TBC1D22A: variants seen among roughly 807,000 people sequenced by gnomAD.
The protein encoded by TBC1D22A is TBC1 domain family member 22A.
Under a neutral mutation model 60.2 loss-of-function variants are expected in TBC1D22A, and 38 were observed. That is an observed-to-expected ratio of 0.63 (90% CI 0.49 to 0.83). The LOEUF (loss-of-function observed/expected upper bound fraction) is 0.83. Among genes scored for constraint, TBC1D22A ranks in the 40% least tolerant of loss-of-function variants. The pLI is 0.00. For synonymous variants in TBC1D22A, 302 were observed against 281.7 expected (o/e 1.07, Z -0.72); for missense variants, 628 against 701.0 (o/e 0.90, Z 1.18).
At chr22:46,865,643 C>T (rs777655180) in intron 4 of TBC1D22A, among the ~76,000 whole-genome samples, 12 of 152,316 alleles carry the variant, frequency 7.9e-5, no homozygotes, top group Middle Eastern at 3.4e-3. Flanking sequence ...GTCTTGTCTG[C>T]GCACATCCAG....
chr22:47,121,655 G>A (rs1006897764), intron 12 of TBC1D22A, among the ~76,000 whole-genome samples: 7 of 151,956 alleles, frequency 4.6e-5, no homozygotes, highest in Non-Finnish European at 7.4e-5. Flanking sequence ...CACGGTGCTA[G>A]CCTGACTTAG....
At chr22:47,015,508 A>G (rs1174982376) in intron 10 of TBC1D22A, among the ~76,000 whole-genome samples, 3 of 152,192 alleles carry the variant, frequency 2.0e-5, no homozygotes, top group Non-Finnish European at 4.4e-5. Context: ...GTAATTTTCT[A>G]CTTGATCTTG....
At position 47,009,944 on chromosome 22, in the gene TBC1D22A, A is replaced by G. The variant is rs998412636; in HGVS notation, c.1201+12235A>G. ...GGAAGACACTGGCTGAGTCTGAGTCAGGGGCACCGAGGTGACAGTGGCCAT... is the reference window on the plus strand; with the variant it reads ...GGAAGACACTGGCTGAGTCTGAGTCGGGGGCACCGAGGTGACAGTGGCCAT... On this transcript the variant is annotated intron_variant, in intron 10 of 12. Coordinates refer to ENST00000337137, the MANE Select transcript of TBC1D22A (RefSeq NM_014346.5). This position sits in a 1 kb window ranked among gnomAD's most constrained non-coding sequence, Gnocchi z 5.8. 6.6e-6 allele frequency among the ~76,000 whole-genome samples: 1 copy of G among 152,210 alleles called. No homozygotes were observed. Among genetic ancestry groups the G allele is most frequent in the African/African-American group, 2.4e-5 (1 of 41,456 alleles).
At chr22:47,063,094 G>C (rs965703542) in intron 11 of TBC1D22A, among the ~76,000 whole-genome samples, 10 of 152,200 alleles carry the variant, frequency 6.6e-5, no homozygotes, top group African/African-American at 1.9e-4. Context: ...TGCAGGAGCA[G>C]CAGGACTCGG....
chr22:46,819,275 T>G (rs762462470), intron 4 of TBC1D22A, among the ~76,000 whole-genome samples: 2 of 152,186 alleles, frequency 1.3e-5, no homozygotes, highest in Non-Finnish European at 2.9e-5. Flanking sequence ...CTGTGTTGAA[T>G]AGGAGTGGTG....
At chr22:46,866,827 C>T (rs370409992) in intron 4 of TBC1D22A, among the ~76,000 whole-genome samples, 3 of 152,324 alleles carry the variant, frequency 2.0e-5, no homozygotes, top group Admixed American at 6.5e-5. Flanking sequence ...CATGCGGAAG[C>T]GTTAACTTGC....
intron 11 of TBC1D22A, among the ~76,000 whole-genome samples, chr22:47,069,712 G>GT (rs2063895186): frequency 8.8e-6 from 1 of 113,886 alleles, no homozygotes; most frequent in Non-Finnish European, 1.8e-5. Context: ...CTGACCTGAC[G>GT]GTCCTGGCTG....
chr22:47,044,050 T>G (rs2148420486), intron 11 of TBC1D22A, among the ~76,000 whole-genome samples: 1 of 90,316 alleles, frequency 1.1e-5, no homozygotes, highest in East Asian at 3.4e-4. Flanking sequence ...CCCAGGCAGC[T>G]GGGCACTGGG....
chr22:47,139,496 A>C (rs2147138317), intron 12 of TBC1D22A, among the ~76,000 whole-genome samples: 1 of 152,258 alleles, frequency 6.6e-6, no homozygotes, highest in East Asian at 1.9e-4. Context: ...TCTGGTCTCC[A>C]CCCAGCTCCT....
At chr22:46,822,182 C>G (rs2085859380) in intron 4 of TBC1D22A, among the ~76,000 whole-genome samples, 1 of 152,042 alleles carries the variant, frequency 6.6e-6, no homozygotes, top group South Asian at 2.1e-4. Flanking sequence ...TGGGTTAGAA[C>G]ATGCTCCTTT....
intron 4 of TBC1D22A, among the ~76,000 whole-genome samples, chr22:46,840,250 A>G (rs2086692504): frequency 1.3e-5 from 2 of 152,232 alleles, no homozygotes; most frequent in South Asian, 4.1e-4. Context: ...ACTCAACAGC[A>G]AAAATGAAAA....
At chr22:47,075,234 AAAGAG>A (rs2064157138) in intron 11 of TBC1D22A, among the ~76,000 whole-genome samples, 1 of 151,346 alleles carries the variant, frequency 6.6e-6, no homozygotes, top group African/African-American at 2.4e-5. Flanking sequence ...AAAAAAAAAA[AAAGAG>A]AACCAAAGTA....
At chr22:46,792,244 G>T (rs546117800) in intron 1 of TBC1D22A, among the ~76,000 whole-genome samples, 2 of 150,956 alleles carry the variant, frequency 1.3e-5, no homozygotes, top group Admixed American at 6.6e-5. Flanking sequence ...CCGAGGGTCT[G>T]TGGTGGTGCT....
At chr22:46,899,640 A>C (rs547906218) in intron 7 of TBC1D22A, among the ~76,000 whole-genome samples, 1 of 152,184 alleles carries the variant, frequency 6.6e-6, no homozygotes, top group Non-Finnish European at 1.5e-5. Flanking sequence ...TTGTTCCTCT[A>C]TATGCTTGGC....
intron 11 of TBC1D22A, among the ~76,000 whole-genome samples, chr22:47,079,971 C>T (rs2147556859): frequency 6.6e-6 from 1 of 152,246 alleles, no homozygotes; most frequent in South Asian, 2.1e-4. Context: ...AGAAGGCTGG[C>T]TACATTAATA....
chr22:47,044,255 G>T (rs1174952998), intron 11 of TBC1D22A, among the ~76,000 whole-genome samples: 1 of 152,202 alleles, frequency 6.6e-6, no homozygotes, highest in Non-Finnish European at 1.5e-5. Context: ...ATTTATGCTG[G>T]ATGTAAACGA....
At chr22:46,815,572 A>C (rs577816332) in intron 4 of TBC1D22A, among the ~76,000 whole-genome samples, 1 of 152,050 alleles carries the variant, frequency 6.6e-6, no homozygotes, top group Non-Finnish European at 1.5e-5. Flanking sequence ...TTCTCTTTCT[A>C]ATTTATTCAC....
At chr22:47,165,513 G>A (rs28508510) in intron 12 of TBC1D22A, among the ~76,000 whole-genome samples, 1 of 152,126 alleles carries the variant, frequency 6.6e-6, no homozygotes, top group Non-Finnish European at 1.5e-5. Context: ...CTAGCCTGCT[G>A]GGCTCTGGAG....
intron 11 of TBC1D22A, among the ~76,000 whole-genome samples, chr22:47,041,861 G>A (rs2062854888): frequency 6.6e-6 from 1 of 152,250 alleles, no homozygotes; most frequent in Non-Finnish European, 1.5e-5. Context: ...GACGTGGACA[G>A]CGGGCGTGGC....
Sources: gnomAD v4.1 joint callset for allele counts (sites outside exome capture counted in the v4.1 genomes callset) on GRCh38, gnomAD v4.1.1 for gene constraint, Gnocchi (gnomAD v3.1) non-coding constraint, MANE v1.5 for transcripts, NCBI Gene and HGNC (gene_info 2026-07-23, HGNC 2026-07-21) for gene names.